WDPCP: variants seen among roughly 807,000 people sequenced by gnomAD.
WDPCP encodes the protein WD repeat-containing and planar cell polarity effector protein fritz homolog.
In WDPCP, 71 loss-of-function variants were observed where a neutral mutation model predicts 93.1. The observed-to-expected ratio is 0.76, with a 90% CI of 0.63 to 0.93. The LOEUF (loss-of-function observed/expected upper bound fraction) is 0.93, where lower values mean the gene tolerates loss of function less well. Ranked by LOEUF, WDPCP falls within the 40% of genes least tolerant of loss-of-function variation. The pLI, the probability that WDPCP is intolerant of heterozygous loss-of-function variation, is 0.00. For missense variants in WDPCP, 844 were observed against 887.4 expected (o/e 0.95, Z 0.62); for synonymous variants, 315 against 315.0 (o/e 1.00, Z 0.00).
At chr2:63,343,342 C>G (rs908623969) in intron 12 of WDPCP, among the ~76,000 whole-genome samples, 4 of 151,832 alleles carry the variant, frequency 2.6e-5, no homozygotes, top group African/African-American at 4.8e-5. Context: ...GCCTTCTGGC[C>G]TCAATGATTA....
At chr2:63,207,473 T>C (rs954424121) in intron 14 of WDPCP, among the ~76,000 whole-genome samples, 2 of 152,174 alleles carry the variant, frequency 1.3e-5, no homozygotes, top group African/African-American at 4.8e-5. Context: ...ACCTCTTTCC[T>C]TAATAAATTA....
intron 2 of WDPCP, among the ~76,000 whole-genome samples, chr2:63,689,772 T>A (rs770694479): frequency 1.1e-4 from 16 of 152,226 alleles, no homozygotes; most frequent in Non-Finnish European, 2.4e-4. Flanking sequence ...TATTCTTATT[T>A]ATGCAGAGTG....
At chr2:63,796,188 A>G (rs1446447198) in intron 2 of WDPCP, among the ~76,000 whole-genome samples, 2 of 152,238 alleles carry the variant, frequency 1.3e-5, no homozygotes, top group Non-Finnish European at 2.9e-5. Flanking sequence ...TCAGGTGAAC[A>G]TGAGGAGAGC....
Position 63,382,103 on chromosome 2 carries a change from A to C in WDPCP, c.1436-9T>G. 1 of 1,610,920 alleles carries C rather than the reference A, an allele frequency of 6.2e-7. No individual in the cohort carries two copies. Among genetic ancestry groups the C allele is most frequent in the Non-Finnish European group, 8.5e-7 (1 of 1,178,648 alleles). ...TCCTCGAGTGAAGACGCCTATCACA[A>C]AACATGGAAAACCAGGTGAATCTTT... On this transcript the variant is annotated splice_polypyrimidine_tract_variant and intron_variant, in intron 10 of 17. Transcript: ENST00000272321.
chr2:63,696,480 G>C (rs1174996744), intron 2 of WDPCP, among the ~76,000 whole-genome samples: 1 of 152,102 alleles, frequency 6.6e-6, no homozygotes, highest in Non-Finnish European at 1.5e-5. Context: ...GAAACCAGAA[G>C]GGGTCCCTTC....
intron 6 of WDPCP, among the ~76,000 whole-genome samples, chr2:63,451,866 C>G (rs908254031): frequency 3.9e-5 from 6 of 152,264 alleles, no homozygotes; most frequent in Non-Finnish European, 7.4e-5. Flanking sequence ...TCAATAGATG[C>G]AGAAAAGGCC....
intron 2 of WDPCP, among the ~76,000 whole-genome samples, chr2:63,776,072 C>CATATACAT (rs1294571088): frequency 1.6e-4 from 21 of 135,292 alleles, no homozygotes; most frequent in African/African-American, 4.7e-4. Flanking sequence ...TATAAATACA[C>CATATACAT]ATATACATAC....
chr2:63,746,168 A>G (rs1271147484), intron 2 of WDPCP, among the ~76,000 whole-genome samples: 2 of 152,154 alleles, frequency 1.3e-5, no homozygotes, highest in Non-Finnish European at 2.9e-5. Context: ...ATACTTTTAT[A>G]ATTTCTTACA....
chr2:63,366,564 A>G (rs1326624225), intron 12 of WDPCP, among the ~76,000 whole-genome samples: 1 of 152,084 alleles, frequency 6.6e-6, no homozygotes, highest in Non-Finnish European at 1.5e-5. Flanking sequence ...TTCTTGTTAC[A>G]TGGATTATCA....
intron 1 of WDPCP, among the ~76,000 whole-genome samples, chr2:63,551,608 A>G (rs1218099079): frequency 6.6e-6 from 1 of 152,220 alleles, no homozygotes; most frequent in Non-Finnish European, 1.5e-5. Context: ...TTTTCTTTAT[A>G]AATTACCAGC....
At chr2:63,730,761 G>A (rs528047096) in intron 2 of WDPCP, among the ~76,000 whole-genome samples, 7 of 152,240 alleles carry the variant, frequency 4.6e-5, no homozygotes, top group Admixed American at 1.3e-4. Flanking sequence ...GGCACTTAGA[G>A]GAGAGTATCA....
intron 10 of WDPCP, among the ~76,000 whole-genome samples, chr2:63,393,436 A>G (rs1305462098): frequency 1.3e-5 from 2 of 152,126 alleles, no homozygotes; most frequent in Non-Finnish European, 2.9e-5. Context: ...CCTAATGTAA[A>G]TGACTAGTTG....
At chr2:63,809,050 G>GA (rs1558916102) in intron 2 of WDPCP, among the ~76,000 whole-genome samples, 1 of 152,036 alleles carries the variant, frequency 6.6e-6, no homozygotes, top group South Asian at 2.1e-4. Context: ...TCTGGGAGGT[G>GA]AGGAGCGTCT....
At chr2:63,581,355 T>C (rs1046959017) in intron 1 of WDPCP, among the ~76,000 whole-genome samples, 3 of 152,114 alleles carry the variant, frequency 2.0e-5, no homozygotes, top group African/African-American at 7.2e-5. Context: ...TTTCAGAGGG[T>C]TCCGCTTGAG....
chr2:63,682,636 A>T (rs1236826149), intron 2 of WDPCP, among the ~76,000 whole-genome samples: 1 of 152,168 alleles, frequency 6.6e-6, no homozygotes, highest in African/African-American at 2.4e-5. Context: ...AATGGATAAT[A>T]ACAGAGAACT....
chr2:63,555,435 C>T (rs1706029824), intron 1 of WDPCP, among the ~76,000 whole-genome samples: 2 of 152,184 alleles, frequency 1.3e-5, no homozygotes, highest in South Asian at 4.1e-4. Context: ...AGAATCCAGG[C>T]GGTCCAGGCC....
chr2:63,390,709 G>C (rs868460198), intron 10 of WDPCP, among the ~76,000 whole-genome samples: 1 of 152,112 alleles, frequency 6.6e-6, no homozygotes, highest in Non-Finnish European at 1.5e-5. Flanking sequence ...AAATGATAAA[G>C]GGGATATCAC....
chr2:63,260,795 G>T (rs1332034138), intron 13 of WDPCP, among the ~76,000 whole-genome samples: 1 of 152,100 alleles, frequency 6.6e-6, no homozygotes, highest in African/African-American at 2.4e-5. Flanking sequence ...TGATCTGCCC[G>T]CCTCGGCCTC....
chr2:63,766,509 G>T (rs535360436), intron 2 of WDPCP, among the ~76,000 whole-genome samples: 1 of 150,626 alleles, frequency 6.6e-6, no homozygotes, highest in South Asian at 2.1e-4. Context: ...TTAATTTTTT[G>T]ACAATAGGAT....
Sources: allele counts gnomAD v4.1 joint callset (sites outside exome capture counted in the v4.1 genomes callset), GRCh38; gene constraint gnomAD v4.1.1; transcripts MANE v1.5; gene names NCBI Gene and HGNC (gene_info 2026-07-23, HGNC 2026-07-21).